Variants in KIZ observed in about 807,000 individuals in gnomAD.
KIZ encodes the protein centrosomal protein kizuna.
In KIZ, 68 loss-of-function variants were observed where a neutral mutation model predicts 79.6. The ratio of observed to expected loss-of-function variants is 0.85; its 90% CI spans 0.70 to 1.05. KIZ has a LOEUF of 1.05. Among genes scored for constraint, KIZ ranks in the 50% least tolerant of loss-of-function variants. KIZ has a pLI of 0.00. For missense variants in KIZ, 797 were observed against 800.4 expected, an observed-to-expected ratio of 1.00 and a Z score of 0.05; for synonymous variants, 280 against 281.8, an observed-to-expected ratio of 0.99 and a Z score of 0.06.
chr20:21,204,362 G>A (rs1279527972), intron 6 of KIZ, among the ~76,000 whole-genome samples: 1 of 151,758 alleles, frequency 6.6e-6, no homozygotes, highest in Admixed American at 6.6e-5. Context: ...TGATCCGCCC[G>A]CCTCGGCCTC....
intron 9 of KIZ, among the ~76,000 whole-genome samples, chr20:21,226,546 G>A (rs1238070811): frequency 6.6e-6 from 1 of 152,160 alleles, no homozygotes; most frequent in Non-Finnish European, 1.5e-5. Context: ...CATAGGGAGA[G>A]CGACTCCATC....
chr20:21,173,177 G>A (rs1397074231), intron 6 of KIZ, among the ~76,000 whole-genome samples: 1 of 152,058 alleles, frequency 6.6e-6, no homozygotes, highest in Non-Finnish European at 1.5e-5. Context: ...GTGCTGTTTG[G>A]ATAATATAGC....
At chr20:21,160,366 G>C (rs1341609051) in intron 4 of KIZ, among the ~76,000 whole-genome samples, 5 of 152,156 alleles carry the variant, frequency 3.3e-5, no homozygotes. Context: ...AACTCCCCAG[G>C]CTGCCTGTGG....
intron 6 of KIZ, among the ~76,000 whole-genome samples, chr20:21,192,707 G>A (rs943757577): frequency 3.9e-5 from 6 of 152,144 alleles, no homozygotes; most frequent in East Asian, 3.9e-4. Flanking sequence ...TGATTATCCA[G>A]TAACCCATTG....
intron 6 of KIZ, among the ~76,000 whole-genome samples, chr20:21,182,340 A>G (rs1397947901): frequency 6.6e-6 from 1 of 152,208 alleles, no homozygotes; most frequent in Non-Finnish European, 1.5e-5. Flanking sequence ...AAAGACAGAA[A>G]GAGACTCTCT....
intron 9 of KIZ, among the ~76,000 whole-genome samples, chr20:21,228,427 C>G (rs1382911184): frequency 6.6e-6 from 1 of 152,184 alleles, no homozygotes; most frequent in Non-Finnish European, 1.5e-5. Context: ...TGAGCAGGTG[C>G]AGGCTGCCAC....
In KIZ at chr20:21,126,142, G is replaced by A. The variant is rs747021291; in HGVS notation, c.27G>A (p.Val9=). The A allele has an allele frequency of 2.6e-6, 4 of 1,514,566 alleles. No individual in the cohort carries two copies. Among genetic ancestry groups the A allele is most frequent in the Admixed American group, 2.1e-5 (1 of 47,802 alleles). The allele number at this position is 1,514,566 out of a possible 1,614,324, so 93.8% of individuals were successfully genotyped here. ...TGAGCCGGACCCTCGCATCGGCCGTGCCCCTGTCGAGTCCCGACTACTACG... is the reference window on the plus strand; with the variant it reads ...TGAGCCGGACCCTCGCATCGGCCGTACCCCTGTCGAGTCCCGACTACTACG... The part of the protein sequence containing the change: MSRTLASA[V]PLSSPDYYER... Residue 9 remains valine, a synonymous_variant, in exon 1 of 13, where the codon GTG becomes GTA. Coordinates refer to ENST00000619189, the MANE Select transcript of KIZ (RefSeq NM_018474.6).
At chr20:21,190,033 A>G (rs929467064) in intron 6 of KIZ, among the ~76,000 whole-genome samples, 2 of 152,174 alleles carry the variant, frequency 1.3e-5, no homozygotes, top group African/African-American at 2.4e-5. Flanking sequence ...CCTTTCTACA[A>G]CTGTTTTGTG....
intron 9 of KIZ, among the ~76,000 whole-genome samples, chr20:21,221,105 T>C (rs2036489653): frequency 6.6e-6 from 1 of 152,184 alleles, no homozygotes; most frequent in Non-Finnish European, 1.5e-5. Flanking sequence ...ACTCAGGCCA[T>C]GAGGAAAGTG....
At chr20:21,238,460 A>G (rs1290380994) in intron 11 of KIZ, among the ~76,000 whole-genome samples, 2 of 151,966 alleles carry the variant, frequency 1.3e-5, no homozygotes, top group African/African-American at 4.8e-5. Context: ...GACTGTGAAT[A>G]TGCCCTCTGC....
At chr20:21,168,526 C>T (rs1163548597) in intron 6 of KIZ, among the ~76,000 whole-genome samples, 1 of 152,130 alleles carries the variant, frequency 6.6e-6, no homozygotes, top group African/African-American at 2.4e-5. Flanking sequence ...TTTATAGATT[C>T]AATGCCATCC....
intron 3 of KIZ, among the ~76,000 whole-genome samples, chr20:21,141,815 ACACACACACTCT>A (rs1011906242): frequency 6.5e-5 from 9 of 139,534 alleles, no homozygotes; most frequent in African/African-American, 2.5e-4. Context: ...ACACACACAC[ACACACACACTCT>A]CTCTCTCTCT....
chr20:21,220,253 T>A (rs1568989731), intron 9 of KIZ, among the ~76,000 whole-genome samples: 1 of 151,780 alleles, frequency 6.6e-6, no homozygotes, highest in Non-Finnish European at 1.5e-5. Context: ...CAAAAGATGG[T>A]ATCCCTGCCC....
intron 8 of KIZ, 24 bp from the exon 9 acceptor site, chr20:21,215,553 CTTTTTT>C: frequency 7.3e-7 from 1 of 1,369,914 alleles, no homozygotes; most frequent in South Asian, 1.3e-5. Flanking sequence ...CTTTGAAATA[CTTTTTT>C]TTTATTATGC....
chr20:21,188,231 A>G (rs1407106865), intron 6 of KIZ, among the ~76,000 whole-genome samples: 1 of 152,218 alleles, frequency 6.6e-6, no homozygotes, highest in Non-Finnish European at 1.5e-5. Flanking sequence ...TCCCCATTTC[A>G]GAAAGGGTCC....
intron 4 of KIZ, 41 bp from the exon 5 acceptor site, chr20:21,161,830 A>G (rs939480709): frequency 6.9e-7 from 1 of 1,459,160 alleles, no homozygotes; most frequent in Admixed American, 2.1e-5. Context: ...CTAATTGTTT[A>G]TACACAGTAT....
At chr20:21,224,271 G>C (rs6035812) in intron 9 of KIZ, among the ~76,000 whole-genome samples, 1 of 152,118 alleles carries the variant, frequency 6.6e-6, no homozygotes, top group African/African-American at 2.4e-5. Flanking sequence ...GAGCCACCCC[G>C]CCCGGCCCTT....
intron 1 of KIZ, among the ~76,000 whole-genome samples, chr20:21,127,096 G>GC (rs1449929702): frequency 6.6e-6 from 1 of 152,200 alleles, no homozygotes; most frequent in African/African-American, 2.4e-5. Context: ...GAAAATAAAG[G>GC]CAGAAGTGAG....
rs554811314 is a variant in KIZ at position 21,155,988 on chromosome 20, G to A, written c.406-5883G>A. Among the ~76,000 whole-genome samples the A allele has an allele frequency of 2.1e-3, 325 of 152,258 alleles. 1 individual carries two copies. The highest frequency in any genetic ancestry group is 3.9e-3 in the Non-Finnish European group (263 of 68,024). ...CTTTTGATGCCAGATTCTTTCCTAC[G>A]AGGATTCTGCCCATGTATTCAGCCA... On this transcript the variant is annotated intron_variant, in intron 4 of 12. Coordinates refer to ENST00000619189, the MANE Select transcript of KIZ (RefSeq NM_018474.6).
Sources: allele counts gnomAD v4.1 joint callset (sites outside exome capture counted in the v4.1 genomes callset), GRCh38; gene constraint gnomAD v4.1.1; transcripts MANE v1.5; gene names NCBI Gene and HGNC (gene_info 2026-07-23, HGNC 2026-07-21).